Variants in FANCC observed in about 807,000 individuals in gnomAD.
FANCC encodes FA complementation group C, also known as Fanconi anemia group C protein.
In FANCC, 55 loss-of-function variants were observed where a neutral mutation model predicts 71.3. The ratio of observed to expected loss-of-function variants is 0.77; its 90% CI spans 0.62 to 0.97. The LOEUF (loss-of-function observed/expected upper bound fraction) is 0.97. Among genes scored for constraint, FANCC ranks in the 50% least tolerant of loss-of-function variants. The probability of loss-of-function intolerance (pLI) is 0.00; values close to 1 mark genes in which losing one functional copy is unlikely to be tolerated. For missense variants in FANCC, 678 were observed against 670.9 expected (o/e 1.01, Z -0.12); for synonymous variants, 275 against 244.9 (o/e 1.12, Z -1.15).
chr9:95,136,535 A>G (rs1310952091), intron 7 of FANCC, among the ~76,000 whole-genome samples: 1 of 151,296 alleles, frequency 6.6e-6, no homozygotes, highest in East Asian at 1.9e-4. Context: ...CACCCAGGCT[A>G]GAGTGCAATG....
At chr9:95,113,757 G>A (rs925528057) in intron 12 of FANCC, 1 of 151,912 alleles carries the variant, frequency 6.6e-6, no homozygotes, top group African/African-American at 2.4e-5. Flanking sequence ...CGAGTAGCTG[G>A]GACTACAGGC....
At position 95,101,933 on chromosome 9, in the gene FANCC, C is replaced by T. The variant is rs111916528; in HGVS notation, c.1534-83G>A. On this transcript the variant is annotated intron_variant, in intron 14 of 14. Transcript: ENST00000289081. ...TTGTCCAGGGACGGACCATAACCAC[C>T]CAGTCCCTGAAAGAAGCCCTATCCA... The T allele has an allele frequency of 7.0e-5, 107 of 1,519,688 alleles. 5 individuals are homozygous for T. The highest frequency in any genetic ancestry group is 6.4e-4 in the African/African-American group (47 of 73,214). The allele number at this position is 1,519,688 out of a possible 1,614,324, so 94.1% of individuals were successfully genotyped here.
rs370866301 is a variant in FANCC at position 95,169,192 on chromosome 9, AAAC to A, written c.521+1884_521+1886del. On this transcript the variant is annotated intron_variant, in intron 6 of 14. Transcript: ENST00000289081. ...CTGAGGTTGCTGAGATCTATAGTAA[AAAC>A]AAATCATCTATCTGTGAAATTGTAA... 4.5e-4 allele frequency among the ~76,000 whole-genome samples: 69 copies of A among 152,344 alleles called. No individual in the cohort carries two copies. The East Asian group carries it at 0.01, about 22-fold the overall frequency.
At chr9:95,219,452 T>C (rs1310955732) in intron 4 of FANCC, among the ~76,000 whole-genome samples, 1 of 152,024 alleles carries the variant, frequency 6.6e-6, no homozygotes, top group East Asian at 1.9e-4. Flanking sequence ...TCTGCAAAAA[T>C]TGAGAGAATT....
chr9:95,139,508 A>T (rs1828256965), intron 7 of FANCC, among the ~76,000 whole-genome samples: 1 of 152,150 alleles, frequency 6.6e-6, no homozygotes, highest in Non-Finnish European at 1.5e-5. Flanking sequence ...TAAACACTGC[A>T]GTGTGCACCC....
At position 95,314,652 on chromosome 9, in the gene FANCC, CA is replaced by C. The variant is rs200355051; in HGVS notation, c.-79+2873del. ...GGGCAAACAGAGCGAGACTCTGTCT[CA>C]AAAAAAAAACAAAAAACTTGCTTTC... On this transcript the variant is annotated intron_variant, in intron 1 of 14. Transcript: ENST00000289081. Among the ~76,000 whole-genome samples the C allele has an allele frequency of 3.2e-3, 437 of 136,816 alleles. 9 individuals carry two copies. The South Asian group carries it at 0.047, about 15-fold the overall frequency. 89.8% of individuals were successfully genotyped at this position (136,816 alleles called of 152,430 possible). A position where few individuals can be genotyped will look rare whatever the true frequency, so the allele number is the denominator to read the frequency against.
At chr9:95,294,586 G>T in intron 1 of FANCC, 1 of 1,540,562 alleles carries the variant, frequency 6.5e-7, no homozygotes, top group South Asian at 1.1e-5. Context: ...CACTGTTAAA[G>T]ATATACCTGC....
At chr9:95,291,405 C>A (rs1051010647) in intron 1 of FANCC, among the ~76,000 whole-genome samples, 2 of 151,900 alleles carry the variant, frequency 1.3e-5, no homozygotes, top group Non-Finnish European at 2.9e-5. Flanking sequence ...AAACAAAAAT[C>A]ATTAGTGTTT....
intron 10 of FANCC, among the ~76,000 whole-genome samples, chr9:95,121,554 T>A (rs530419843): frequency 1.3e-5 from 2 of 152,300 alleles, no homozygotes; most frequent in Admixed American, 6.5e-5. Flanking sequence ...GCAACATTGT[T>A]TGTAATAAAA....
intron 4 of FANCC, among the ~76,000 whole-genome samples, chr9:95,234,201 A>T (rs1219670589): frequency 2.6e-5 from 4 of 152,254 alleles, no homozygotes; most frequent in Non-Finnish European, 5.9e-5. Flanking sequence ...ATGCTAATTA[A>T]AAGTTGGCAA....
intron 6 of FANCC, among the ~76,000 whole-genome samples, chr9:95,157,201 A>G (rs1460438038): frequency 6.6e-6 from 1 of 152,052 alleles, no homozygotes; most frequent in Admixed American, 6.6e-5. Context: ...TCTAAAGTTC[A>G]TTTCCAAAGA....
intron 12 of FANCC, among the ~76,000 whole-genome samples, chr9:95,112,338 T>A (rs1276177005): frequency 6.6e-6 from 1 of 152,200 alleles, no homozygotes; most frequent in East Asian, 1.9e-4. Flanking sequence ...ACTGGGGCAG[T>A]GGCTGGAACA....
At chr9:95,291,100 A>C (rs1049181591) in intron 1 of FANCC, among the ~76,000 whole-genome samples, 3 of 152,226 alleles carry the variant, frequency 2.0e-5, no homozygotes, top group African/African-American at 7.2e-5. Flanking sequence ...GCCATCTGTG[A>C]CAGACCCACA....
intron 5 of FANCC, among the ~76,000 whole-genome samples, chr9:95,171,504 G>A (rs1451972066): frequency 1.3e-5 from 2 of 149,394 alleles, no homozygotes; most frequent in Non-Finnish European, 3.0e-5. Flanking sequence ...CCAAAACACC[G>A]GAATGGTTAA....
chr9:95,270,648 G>T (rs546633318), intron 1 of FANCC, among the ~76,000 whole-genome samples: 1 of 152,144 alleles, frequency 6.6e-6, no homozygotes, highest in African/African-American at 2.4e-5. Flanking sequence ...CTCCAGAAAG[G>T]GACCTGCTGA....
At chr9:95,127,930 A>G (rs999022628) in intron 8 of FANCC, among the ~76,000 whole-genome samples, 2 of 152,224 alleles carry the variant, frequency 1.3e-5, no homozygotes, top group African/African-American at 4.8e-5. Context: ...CTAATTTGCA[A>G]GTTAAAATGT....
At chr9:95,246,336 C>G (rs948955593) in intron 3 of FANCC, among the ~76,000 whole-genome samples, 2 of 152,210 alleles carry the variant, frequency 1.3e-5, no homozygotes, top group African/African-American at 2.4e-5. Flanking sequence ...GCTAAACACA[C>G]ATATTGTCCC....
At position 95,099,754 on chromosome 9, in the gene FANCC, C is replaced by G. The variant is rs555434011; in HGVS notation, c.*1953G>C. On this transcript the variant is annotated 3_prime_UTR_variant, in exon 15 of 15. Transcript: ENST00000289081. ...CCGGCAAGGCCGCCTCCACCGCACC[C>G]GTGAGAGGACTCGGCAGCTGTGAAG... is the stretch of plus-strand genomic sequence containing the variant. 8.6e-6 allele frequency: 2 copies of G among 232,378 alleles called. No individual in the cohort carries two copies. The highest frequency in any genetic ancestry group is 5.6e-5 in the Admixed American group (1 of 17,750). 14.4% of individuals were successfully genotyped at this position (232,378 alleles called of 1,614,324 possible).
intron 1 of FANCC, among the ~76,000 whole-genome samples, chr9:95,251,602 C>A (rs1439368780): frequency 5.9e-5 from 9 of 152,164 alleles, no homozygotes; most frequent in Non-Finnish European, 5.9e-5. Context: ...AGGCATGAGC[C>A]ACCGTGCCCA....
Sources: allele counts gnomAD v4.1 joint callset (sites outside exome capture counted in the v4.1 genomes callset), GRCh38; gene constraint gnomAD v4.1.1; transcripts MANE v1.5; gene names NCBI Gene and HGNC (gene_info 2026-07-23, HGNC 2026-07-21).